Variants in RAD51B observed in about 807,000 individuals in gnomAD.
The protein encoded by RAD51B is DNA repair protein RAD51 homolog 2.
Under a neutral mutation model 42.2 loss-of-function variants are expected in RAD51B, and 38 were observed. The observed-to-expected ratio is 0.90, with a 90% CI of 0.70 to 1.18. The LOEUF is 1.18. Among genes scored for constraint, RAD51B ranks in the 50% most tolerant of loss-of-function variants. The pLI is 0.00. For missense variants in RAD51B, 373 were observed against 400.7 expected, an observed-to-expected ratio of 0.93 and a Z score of 0.59; for synonymous variants, 154 against 145.2, an observed-to-expected ratio of 1.06 and a Z score of -0.43.
At chr14:68,516,922 T>A (rs920596501) in intron 10 of RAD51B, among the ~76,000 whole-genome samples, 15 of 152,186 alleles carry the variant, frequency 9.9e-5, no homozygotes, top group Non-Finnish European at 1.9e-4. Flanking sequence ...TTCTAAAAAT[T>A]CTAATTTTTG....
At chr14:68,589,039 C>T (rs963197991) in intron 10 of RAD51B, among the ~76,000 whole-genome samples, 7 of 152,164 alleles carry the variant, frequency 4.6e-5, no homozygotes, top group Non-Finnish European at 1.5e-5. Context: ...GTCCCTTAAC[C>T]TCTCTAAGCC....
chr14:67,968,173 T>C (rs1036808691), intron 7 of RAD51B, among the ~76,000 whole-genome samples: 19 of 152,340 alleles, frequency 1.2e-4, no homozygotes, highest in African/African-American at 4.6e-4. Flanking sequence ...ACCAAGTCCC[T>C]AGGCTGCACT....
chr14:68,572,687 G>A lies in RAD51B; in HGVS notation c.1037-21798G>A, dbSNP rs945517862. 4.6e-5 allele frequency among the ~76,000 whole-genome samples: 7 copies of A among 152,000 alleles called. No homozygotes were observed. The East Asian group carries it at 5.8e-4, about 13-fold the overall frequency. ...TCATCCCTGGCCTGTGACTTGTCCC[G>A]ACCTCCCAGTGGGTCCTGGCTTCTA... On this transcript the variant is annotated intron_variant, in intron 10 of 10. Coordinates refer to the RAD51B transcript ENST00000487270.
At chr14:68,327,729 A>T (rs1200793856) in intron 8 of RAD51B, among the ~76,000 whole-genome samples, 3 of 42,752 alleles carry the variant, frequency 7.0e-5, no homozygotes, top group Non-Finnish European at 1.1e-4. Context: ...GGTATTATTA[A>T]AAAAAAGTAT....
chr14:68,010,135 A>G (rs185397971), intron 7 of RAD51B, among the ~76,000 whole-genome samples: 8 of 151,952 alleles, frequency 5.3e-5, no homozygotes, highest in Admixed American at 1.3e-4. Context: ...TTCTTTTTCA[A>G]TGGCTTCCCA....
intron 10 of RAD51B, among the ~76,000 whole-genome samples, chr14:68,513,564 T>TAAGG (rs1885912478): frequency 2.0e-5 from 3 of 152,030 alleles, no homozygotes; most frequent in South Asian, 4.2e-4. Context: ...GACCCCACCT[T>TAAGG]TGGGGTCTGG....
chr14:68,393,378 A>T (rs980644618), intron 8 of RAD51B, among the ~76,000 whole-genome samples: 2 of 152,178 alleles, frequency 1.3e-5, no homozygotes, highest in South Asian at 2.1e-4. Flanking sequence ...CGGAGTTTCA[A>T]TTGGGATGTC....
chr14:68,123,165 C>T (rs1414797042), intron 7 of RAD51B, among the ~76,000 whole-genome samples: 3 of 146,896 alleles, frequency 2.0e-5, no homozygotes, highest in Non-Finnish European at 4.5e-5. Flanking sequence ...CAGGAATGAT[C>T]TTTTCTTTTC....
chr14:68,627,015 CT>C (rs1452860536), intron 10 of RAD51B, among the ~76,000 whole-genome samples: 1 of 152,198 alleles, frequency 6.6e-6, no homozygotes, highest in Non-Finnish European at 1.5e-5. Context: ...CCACCCCAGC[CT>C]GTTTTCTTAC....
intron 7 of RAD51B, among the ~76,000 whole-genome samples, chr14:68,155,084 G>C (rs2078472391): frequency 1.3e-5 from 2 of 152,058 alleles, no homozygotes; most frequent in South Asian, 4.1e-4. Context: ...CTGAATTTTG[G>C]GGGGAAAGAC....
At chr14:68,006,696 C>T (rs1370214682) in intron 7 of RAD51B, among the ~76,000 whole-genome samples, 4 of 151,566 alleles carry the variant, frequency 2.6e-5, no homozygotes, top group Admixed American at 1.3e-4. Flanking sequence ...ATATATTTAC[C>T]CAATTTTTTA....
At chr14:68,634,729 C>G (rs1892307661) in intron 10 of RAD51B, among the ~76,000 whole-genome samples, 2 of 152,138 alleles carry the variant, frequency 1.3e-5, no homozygotes, top group African/African-American at 4.8e-5. Context: ...GGTGCTAGAT[C>G]AAGGGAGAAG....
At chr14:68,154,525 G>A (rs1418708135) in intron 7 of RAD51B, among the ~76,000 whole-genome samples, 2 of 152,160 alleles carry the variant, frequency 1.3e-5, no homozygotes, top group Admixed American at 6.5e-5. Context: ...ATTTGAGGGA[G>A]ACTCTCTAAG....
intron 11 of RAD51B, among the ~76,000 whole-genome samples, chr14:68,675,404 C>T (rs1261120781): frequency 3.9e-5 from 6 of 152,084 alleles, no homozygotes; most frequent in East Asian, 1.9e-4. Context: ...GGGCATGAGA[C>T]GGCCCTCCTA....
intron 10 of RAD51B, among the ~76,000 whole-genome samples, chr14:68,604,476 G>A (rs1384619377): frequency 1.3e-5 from 2 of 152,226 alleles, no homozygotes; most frequent in African/African-American, 4.8e-5. Flanking sequence ...GCTGCCTTTT[G>A]TCCCTGATCC....
chr14:68,152,541 A>G (rs886472882), intron 7 of RAD51B, among the ~76,000 whole-genome samples: 3 of 152,196 alleles, frequency 2.0e-5, no homozygotes, highest in Admixed American at 6.5e-5. Context: ...TTGTAAAAAG[A>G]TACGCCTCAG....
At chr14:67,966,760 T>A (rs559476250) in intron 7 of RAD51B, among the ~76,000 whole-genome samples, 2 of 152,334 alleles carry the variant, frequency 1.3e-5, no homozygotes, top group African/African-American at 4.8e-5. Flanking sequence ...TGCCTCTCAG[T>A]TTGCAAACTT....
intron 7 of RAD51B, among the ~76,000 whole-genome samples, chr14:67,924,286 G>T (rs957657357): frequency 4.6e-5 from 7 of 151,948 alleles, no homozygotes; most frequent in Non-Finnish European, 1.5e-5. Context: ...TGGGTTCTTG[G>T]TCATGAAAAC....
intron 7 of RAD51B, among the ~76,000 whole-genome samples, chr14:67,997,767 G>A (rs1156680123): frequency 2.0e-5 from 3 of 152,134 alleles, no homozygotes; most frequent in Non-Finnish European, 4.4e-5. Context: ...CTGTTCCACA[G>A]ATCAGCGAAT....
Sources: gnomAD v4.1 joint callset for allele counts (sites outside exome capture counted in the v4.1 genomes callset) on GRCh38, gnomAD v4.1.1 for gene constraint, MANE v1.5 for transcripts, NCBI Gene and HGNC (gene_info 2026-07-23, HGNC 2026-07-21) for gene names.